Variants in ARL8B observed in about 807,000 individuals in gnomAD.
The protein encoded by ARL8B is ADP-ribosylation factor-like protein 8B.
Under a neutral mutation model 30.6 loss-of-function variants are expected in ARL8B, and 9 were observed. The ratio of observed to expected loss-of-function variants is 0.29; its 90% confidence interval spans 0.18 to 0.51. The LOEUF (loss-of-function observed/expected upper bound fraction) is 0.51, where lower values mean the gene tolerates loss of function less well. Among genes scored for constraint, ARL8B ranks in the 20% least tolerant of loss-of-function variants. The probability of loss-of-function intolerance (pLI) is 0.97; values close to 1 mark genes in which losing one functional copy is unlikely to be tolerated. For missense variants in ARL8B, 130 were observed against 227.2 expected, an observed-to-expected ratio of 0.57 and a Z score of 2.75; for synonymous variants, 74 against 76.0, an observed-to-expected ratio of 0.97 and a Z score of 0.14.
intron 6 of ARL8B, among the ~76,000 whole-genome samples, chr3:5,176,578 A>C (rs779756965): frequency 1.9e-4 from 29 of 152,238 alleles, no homozygotes; most frequent in East Asian, 5.8e-4. Context: ...CGTTCTGGCT[A>C]ATTTTGGGCT....
intron 1 of ARL8B, among the ~76,000 whole-genome samples, chr3:5,129,546 C>A (rs1353598825): frequency 6.6e-6 from 1 of 151,962 alleles, no homozygotes; most frequent in Non-Finnish European, 1.5e-5. Flanking sequence ...CTATAGAGAA[C>A]ATAATTCTTT....
intron 3 of ARL8B, 126 bp downstream of exon 3, chr3:5,172,349 C>T: frequency 1.2e-6 from 1 of 817,658 alleles, no homozygotes; most frequent in Non-Finnish European, 2.0e-6. Context: ...TAGCTAATAT[C>T]CTAGTGTAAT....
chr3:5,131,418 TCTCA>T (rs922375094), intron 1 of ARL8B, among the ~76,000 whole-genome samples: 2 of 150,964 alleles, frequency 1.3e-5, no homozygotes, highest in African/African-American at 4.9e-5. Context: ...TGAGACAGAG[TCTCA>T]CTCTGTCACC....
chr3:5,151,424 CAG>C (rs779235308), intron 1 of ARL8B, among the ~76,000 whole-genome samples: 5 of 152,184 alleles, frequency 3.3e-5, no homozygotes, highest in Non-Finnish European at 7.4e-5. Flanking sequence ...GCCTGGGCGA[CAG>C]AGCAAGACCC....
chr3:5,125,023 C>A (rs1263884733), intron 1 of ARL8B, among the ~76,000 whole-genome samples: 1 of 152,154 alleles, frequency 6.6e-6, no homozygotes, highest in African/African-American at 2.4e-5. Context: ...GATTTTTATG[C>A]TTCTGTTTTC....
intron 1 of ARL8B, among the ~76,000 whole-genome samples, chr3:5,140,580 T>A (rs1222612614): frequency 6.6e-6 from 1 of 151,956 alleles, no homozygotes; most frequent in African/African-American, 2.4e-5. Context: ...TGGCAAAATT[T>A]CAACACGTTA....
In ARL8B at chr3:5,153,922, G is replaced by A. The variant is rs1305164129; in HGVS notation, c.124-16581G>A. ...TTTGCTGAATATAGAATTTCAGACT[G>A]ATAGTCTTTTTTTTTTTCCCCCTCC... On this transcript the variant is annotated intron_variant, in intron 1 of 6. Coordinates refer to ENST00000256496, the MANE Select transcript of ARL8B (RefSeq NM_018184.3). Among the ~76,000 whole-genome samples, 3 of 133,162 alleles carry A rather than the reference G, an allele frequency of 2.3e-5. No individual in the cohort carries two copies. In the East Asian group the frequency reaches 6.2e-4, roughly 28 times the overall value. 87.4% of individuals were successfully genotyped at this position (133,162 alleles called of 152,430 possible).
intron 1 of ARL8B, among the ~76,000 whole-genome samples, chr3:5,166,548 G>C (rs2054625982): frequency 6.6e-6 from 1 of 150,568 alleles, no homozygotes; most frequent in South Asian, 2.1e-4. Flanking sequence ...ATGTTGCCCA[G>C]ACTGGTCTTG....
chr3:5,122,693 T>C, intron 1 of ARL8B, 105 bp downstream of exon 1: 1 of 1,295,844 alleles, frequency 7.7e-7, no homozygotes, highest in Non-Finnish European at 1.0e-6. Flanking sequence ...ATGGGACTGA[T>C]GGCGGGGGGC....
chr3:5,128,647 A>C (rs11710829), intron 1 of ARL8B: 73,909 of 215,572 alleles, frequency 0.34, 13,827 homozygotes, highest in African/African-American at 0.55. Context: ...AGTTACTCAA[A>C]TATTATTAAA....
At chr3:5,156,439 C>T (rs956227977) in intron 1 of ARL8B, among the ~76,000 whole-genome samples, 13 of 150,166 alleles carry the variant, frequency 8.7e-5, no homozygotes, top group African/African-American at 2.9e-4. Flanking sequence ...TTTTTTGAGA[C>T]GGAGTCTCAC....
At chr3:5,127,412 G>C in intron 1 of ARL8B, among the ~76,000 whole-genome samples, 1 of 152,224 alleles carries the variant, frequency 6.6e-6, no homozygotes, top group South Asian at 2.1e-4. Context: ...TGAAATGTTT[G>C]CTTTATAGAA....
At chr3:5,151,005 C>G (rs1388139298) in intron 1 of ARL8B, among the ~76,000 whole-genome samples, 1 of 151,846 alleles carries the variant, frequency 6.6e-6, no homozygotes, top group Admixed American at 6.6e-5. Context: ...TTATAGTATT[C>G]TCTTATTTAT....
chr3:5,170,472 A>G (rs1330757017), intron 1 of ARL8B, 31 bp from the exon 2 acceptor site: 5 of 1,473,604 alleles, frequency 3.4e-6, no homozygotes, highest in Non-Finnish European at 4.7e-6. Flanking sequence ...ATAAGTGAGT[A>G]GCCTAACTTC....
chr3:5,159,161 G>A (rs1337207199), intron 1 of ARL8B, among the ~76,000 whole-genome samples: 1 of 151,896 alleles, frequency 6.6e-6, no homozygotes, highest in Non-Finnish European at 1.5e-5. Flanking sequence ...TGAGCCAGAC[G>A]TGGTAGTGTG....
In ARL8B at chr3:5,178,647, T is replaced by C. The variant is rs767422160; in HGVS notation, c.512-17T>C. On this transcript the variant is annotated splice_polypyrimidine_tract_variant and intron_variant, in intron 6 of 6. Coordinates refer to ENST00000256496, the MANE Select transcript of ARL8B (RefSeq NM_018184.3). ...TTTTTTAACTTTAATGTCTTCACTT[T>C]TCCCCTCTATCTTTAGATATCACAC... 2 of 1,594,336 alleles carry C rather than the reference T, an allele frequency of 1.3e-6. No individual in the cohort carries two copies. Among genetic ancestry groups the C allele is most frequent in the Non-Finnish European group, 8.5e-7 (1 of 1,172,262 alleles).
At chr3:5,140,377 C>T (rs2054362040) in intron 1 of ARL8B, among the ~76,000 whole-genome samples, 1 of 152,158 alleles carries the variant, frequency 6.6e-6, no homozygotes, top group African/African-American at 2.4e-5. Flanking sequence ...ATGGCTCTCA[C>T]TTCTCTCTAG....
chr3:5,165,059 C>G (rs1009061534), intron 1 of ARL8B, among the ~76,000 whole-genome samples: 2 of 152,130 alleles, frequency 1.3e-5, no homozygotes, highest in Non-Finnish European at 2.9e-5. Flanking sequence ...TTAATCTGAG[C>G]ATCATTGAGA....
chr3:5,138,025 T>C (rs766498217), intron 1 of ARL8B, among the ~76,000 whole-genome samples: 13 of 151,776 alleles, frequency 8.6e-5, no homozygotes, highest in Non-Finnish European at 1.9e-4. Context: ...TTGTTGTTGT[T>C]GGGGATTTTT....
Sources: gnomAD v4.1 joint callset for allele counts (sites outside exome capture counted in the v4.1 genomes callset) on GRCh38, gnomAD v4.1.1 for gene constraint, MANE v1.5 for transcripts, NCBI Gene and HGNC (gene_info 2026-07-23, HGNC 2026-07-21) for gene names.